NWD2: variants seen among roughly 807,000 people sequenced by gnomAD.
NWD2 encodes NACHT and WD repeat domain-containing protein 2.
Under a neutral mutation model 132.7 loss-of-function variants are expected in NWD2, and 37 were observed. The observed-to-expected ratio is 0.28, with a 90% confidence interval of 0.21 to 0.37. NWD2 has a LOEUF of 0.37. Among genes scored for constraint, NWD2 ranks in the 10% least tolerant of loss-of-function variants. The probability of loss-of-function intolerance (pLI) is 1.00; values close to 1 mark genes in which losing one functional copy is unlikely to be tolerated. For missense variants in NWD2, 1,592 were observed against 2,122.4 expected, an observed-to-expected ratio of 0.75 and a Z score of 4.91; for synonymous variants, 705 against 803.0, an observed-to-expected ratio of 0.88 and a Z score of 2.06.
At chr4:37,283,038 G>A (rs1347639795) in intron 1 of NWD2, among the ~76,000 whole-genome samples, 1 of 152,084 alleles carries the variant, frequency 6.6e-6, no homozygotes, top group Non-Finnish European at 1.5e-5. Flanking sequence ...TCGCACCAGG[G>A]ACTCACACCC....
Position 37,444,169 on chromosome 4 carries a change from C to T in NWD2, c.2181C>T (p.Val727=), listed in dbSNP as rs150729425. ...GYLIERHVKN[V]TLLVWANRHL... ...TAATAGAAAGACATGTGAAAAATGT[C>T]ACACTCCTAGTCTGGGCCAACAGAC... The change falls in exon 7 of 7, where the codon GTC becomes GTT. Residue 727 remains valine, a synonymous_variant. Coordinates refer to ENST00000309447, the MANE Select transcript of NWD2 (RefSeq NM_001144990.2). This position sits in a 1 kb window ranked among gnomAD's most constrained non-coding sequence, Gnocchi z 4.8. The T allele has an allele frequency of 0.013, 20,776 of 1,551,658 alleles. 176 individuals are homozygous for T. Among genetic ancestry groups the T allele is most frequent in the South Asian group, 0.017 (1,425 of 84,044 alleles).
At position 37,443,561 on chromosome 4, in the gene NWD2, G is replaced by T. The variant is rs1378054853; in HGVS notation, c.1573G>T (p.Ala525Ser). 1.9e-6 allele frequency: 3 copies of T among 1,551,760 alleles called. No homozygotes were observed. The highest frequency in any genetic ancestry group is 1.7e-6 in the Non-Finnish European group (2 of 1,147,010). The part of the protein sequence containing the change: ...ALEQLSENDD[A>S]RKLWWLPAHL... ...AGAGCAGCTCTCAGAGAATGATGAT[G>T]CCAGGAAGCTTTGGTGGCTCCCAGC... Residue 525 changes from alanine (A) to serine (S), a missense_variant, in exon 7 of 7, where the codon GCC becomes TCC. This residue lies in a region of NWD2 where 1,071 missense variants were observed against 1,398.0 expected (regional missense o/e 0.77). Coordinates refer to ENST00000309447, the MANE Select transcript of NWD2 (RefSeq NM_001144990.2). This position sits in a 1 kb window ranked among gnomAD's most constrained non-coding sequence, Gnocchi z 4.1.
chr4:37,288,246 C>T (rs1023521448), intron 1 of NWD2, among the ~76,000 whole-genome samples: 6 of 152,132 alleles, frequency 3.9e-5, no homozygotes, highest in African/African-American at 1.2e-4. Context: ...CAACCCTCCA[C>T]GTTTTGCACG....
chr4:37,407,388 C>T (rs13130760), intron 3 of NWD2, among the ~76,000 whole-genome samples: 30,310 of 152,002 alleles, frequency 0.2, 4,557 homozygotes, highest in African/African-American at 0.42. Flanking sequence ...TCTTGGAGGG[C>T]TTGTTAAACA....
intron 2 of NWD2, among the ~76,000 whole-genome samples, chr4:37,348,669 T>C (rs1373406603): frequency 0.036 from 2,675 of 73,436 alleles, 187 homozygotes; most frequent in African/African-American, 0.14. Context: ...TATATATATA[T>C]ATATATACAC....
intron 1 of NWD2, among the ~76,000 whole-genome samples, chr4:37,313,167 C>CTTTTT (rs1268916329): frequency 6.6e-6 from 1 of 151,178 alleles, no homozygotes; most frequent in Non-Finnish European, 1.5e-5. Flanking sequence ...AGGATTCCCT[C>CTTTTT]TTTTTCTGTT....
chr4:37,438,945 C>G lies in NWD2; in HGVS notation c.851C>G (p.Thr284Arg), dbSNP rs1420074926. 1.9e-6 allele frequency: 3 copies of G among 1,551,906 alleles called. No individual in the cohort carries two copies. The highest frequency in any genetic ancestry group is 2.0e-5 in the Admixed American group (1 of 50,978). Residue 284 changes from threonine (T) to arginine (R), a missense_variant, in exon 6 of 7, where the codon ACA becomes AGA. Physicochemically the swap from Thr to Arg is moderately conservative, Grantham distance 71. Coordinates refer to ENST00000309447, the MANE Select transcript of NWD2 (RefSeq NM_001144990.2). ...EMGKYMDITG[T>R]EPRIIRDPEA... is the part of the protein sequence containing the mutation. ...GGAAAATACATGGATATAACTGGAA[C>G]AGAACCGAGGATTATTCGGGACCCA... is the stretch of plus-strand genomic sequence containing the variant.
At chr4:37,300,938 T>C (rs1253301271) in intron 1 of NWD2, among the ~76,000 whole-genome samples, 2 of 152,198 alleles carry the variant, frequency 1.3e-5, no homozygotes, top group African/African-American at 4.8e-5. Context: ...GGCTTAGCTA[T>C]GTATTTACCA....
chr4:37,439,499 T>C lies in NWD2; in HGVS notation c.1296+109T>C, dbSNP rs1712423791. On this transcript the variant is annotated intron_variant, in intron 6 of 6. Coordinates refer to ENST00000309447, the MANE Select transcript of NWD2 (RefSeq NM_001144990.2). The surrounding 1 kb of genome is among the most constrained non-coding windows in gnomAD (Gnocchi z 4.5). ...TCTGAGTTTACTATGTGAATTATAGTTGGTCTTTTAGGAGTGAATACTGCA... is the reference window on the plus strand; with the variant it reads ...TCTGAGTTTACTATGTGAATTATAGCTGGTCTTTTAGGAGTGAATACTGCA... The C allele has an allele frequency of 2.4e-6, 2 of 832,906 alleles. No homozygotes were observed. Among genetic ancestry groups the C allele is most frequent in the Admixed American group, 6.3e-5 (2 of 31,540 alleles). The allele number at this position is 832,906 out of a possible 1,614,324, so 51.6% of individuals were successfully genotyped here. A position where few individuals can be genotyped will look rare whatever the true frequency, so the allele number is the denominator to read the frequency against.
chr4:37,269,179 T>A (rs2109262506), intron 1 of NWD2, among the ~76,000 whole-genome samples: 1 of 151,996 alleles, frequency 6.6e-6, no homozygotes, highest in African/African-American at 2.4e-5. Context: ...CATGCGATGA[T>A]CACAAATAAG....
chr4:37,396,965 G>A (rs567924121), intron 3 of NWD2, among the ~76,000 whole-genome samples: 30 of 152,180 alleles, frequency 2.0e-4, no homozygotes, highest in African/African-American at 6.3e-4. Context: ...CCCAGGAGGC[G>A]GAGGTTGCAG....
chr4:37,323,200 C>A (rs548065302), intron 1 of NWD2, among the ~76,000 whole-genome samples: 1 of 152,066 alleles, frequency 6.6e-6, no homozygotes. Context: ...CTGCAGGAAG[C>A]AGTCATTAAA....
chr4:37,445,471 C>G lies in NWD2; in HGVS notation c.3483C>G (p.Asp1161Glu). The change falls in exon 7 of 7, where the codon GAC becomes GAG. Residue 1161 changes from aspartate to glutamate, a missense_variant. Coordinates refer to ENST00000309447, the MANE Select transcript of NWD2 (RefSeq NM_001144990.2). The surrounding 1 kb of genome is among the most constrained non-coding windows in gnomAD (Gnocchi z 4.7). ...LDTAQEMVMV[D>E]SEGSLSVWNT... ...CAGCTCAGGAAATGGTCATGGTAGA[C>G]AGTGAAGGAAGTCTTTCTGTTTGGA... 2 of 1,551,782 alleles carry G rather than the reference C, an allele frequency of 1.3e-6. No homozygotes were observed.
At chr4:37,303,824 A>G (rs1379935058) in intron 1 of NWD2, among the ~76,000 whole-genome samples, 1 of 152,152 alleles carries the variant, frequency 6.6e-6, no homozygotes, top group African/African-American at 2.4e-5. Flanking sequence ...TTTAAGAGTT[A>G]TTTAATAGAG....
chr4:37,439,315 A>G lies in NWD2; in HGVS notation c.1221A>G (p.Gly407=). ...ACTACATTCTTCCAAGCAAAGCTGG[A>G]CACATCAACCCTCTTATTATATATG... ...VHNYILPSKA[G]HINPLIIYGG... Residue 407 remains glycine, a synonymous_variant, in exon 6 of 7, where the codon GGA becomes GGG. Transcript: ENST00000309447. The surrounding 1 kb of genome is among the most constrained non-coding windows in gnomAD (Gnocchi z 4.5). 6.5e-7 allele frequency: 1 copy of G among 1,549,402 alleles called. No homozygotes were observed. Among genetic ancestry groups the G allele is most frequent in the Admixed American group, 2.0e-5 (1 of 50,592 alleles).
At chr4:37,341,481 T>C (rs1206780041) in intron 2 of NWD2, among the ~76,000 whole-genome samples, 1 of 152,164 alleles carries the variant, frequency 6.6e-6, no homozygotes, top group East Asian at 1.9e-4. Flanking sequence ...TACACGTGTG[T>C]GAGTGCATGT....
chr4:37,377,632 G>A (rs906173175), intron 3 of NWD2, among the ~76,000 whole-genome samples: 2 of 152,204 alleles, frequency 1.3e-5, no homozygotes, highest in African/African-American at 4.8e-5. Context: ...TACTCAGGAG[G>A]CTGAGGCAGA....
intron 3 of NWD2, among the ~76,000 whole-genome samples, chr4:37,416,558 A>T (rs1249844930): frequency 6.6e-6 from 1 of 152,166 alleles, no homozygotes; most frequent in Non-Finnish European, 1.5e-5. Context: ...TTCCCTAAGG[A>T]ACTAAAAGTA....
intron 6 of NWD2, among the ~76,000 whole-genome samples, chr4:37,441,686 C>G (rs908889687): frequency 3.9e-5 from 6 of 152,196 alleles, no homozygotes; most frequent in Admixed American, 1.3e-4. Flanking sequence ...TATTGACTAT[C>G]CAGGAGTCGG....
Sources: gnomAD v4.1 joint callset for allele counts (sites outside exome capture counted in the v4.1 genomes callset) on GRCh38, gnomAD v4.1.1 for gene constraint, gnomAD v4.1.1 regional missense constraint, Gnocchi (gnomAD v3.1) non-coding constraint, MANE v1.5 for transcripts, NCBI Gene and HGNC (gene_info 2026-07-23, HGNC 2026-07-21) for gene names.